SYT9: variants seen among roughly 807,000 people sequenced by gnomAD.
SYT9 encodes the protein synaptotagmin 9.
In SYT9, 22 loss-of-function variants were observed where a neutral mutation model predicts 48.4. The ratio of observed to expected loss-of-function variants is 0.45; its 90% confidence interval spans 0.32 to 0.65. SYT9 has a LOEUF of 0.65. SYT9 is among the 30% of genes least tolerant of loss of function. The probability of loss-of-function intolerance (pLI) is 0.03; values close to 1 mark genes in which losing one functional copy is unlikely to be tolerated. For synonymous variants in SYT9, 265 were observed against 245.0 expected (o/e 1.08, Z -0.76); for missense variants, 577 against 622.0 (o/e 0.93, Z 0.77).
chr11:7,386,892 C>A (rs1850671125), intron 3 of SYT9, among the ~76,000 whole-genome samples: 1 of 152,158 alleles, frequency 6.6e-6, no homozygotes, highest in African/African-American at 2.4e-5. Flanking sequence ...AGACTTGGAA[C>A]CAATCCACAT....
chr11:7,339,583 A>G (rs1424467888), intron 3 of SYT9, among the ~76,000 whole-genome samples: 2 of 152,184 alleles, frequency 1.3e-5, no homozygotes, highest in African/African-American at 4.8e-5. Context: ...CTTGTCGGAA[A>G]AGGATCTTAT....
intron 3 of SYT9, among the ~76,000 whole-genome samples, chr11:7,391,735 T>TAAAGAAAAAAAAAA (rs1846615100): frequency 2.8e-5 from 1 of 35,940 alleles, no homozygotes; most frequent in Non-Finnish European, 5.0e-5. Context: ...ACCCCATCTC[T>TAAAGAAAAAAAAAA]AAAAAAAAAA....
chr11:7,455,963 C>T (rs72846882), intron 6 of SYT9, among the ~76,000 whole-genome samples: 25,561 of 152,118 alleles, frequency 0.17, 2,622 homozygotes, highest in African/African-American at 0.27. Context: ...AAAAGTCCTA[C>T]ATAATCCTCA....
In SYT9 at chr11:7,410,929, A is replaced by T. The variant is rs912922188; in HGVS notation, c.1045-5113A>T. On this transcript the variant is annotated intron_variant, in intron 3 of 6. Coordinates refer to ENST00000318881, the MANE Select transcript of SYT9 (RefSeq NM_175733.4). ...GAGCGCAATGGCGCAGTCCCAGCTC[A>T]CTGCAACCTCTGCCTCCCAGGTTCA... is the stretch of plus-strand genomic sequence containing the variant. 2.0e-5 allele frequency among the ~76,000 whole-genome samples: 3 copies of T among 152,084 alleles called. No homozygotes were observed. The East Asian group carries it at 5.8e-4, about 29-fold the overall frequency.
intron 3 of SYT9, among the ~76,000 whole-genome samples, chr11:7,330,823 A>G (rs538318779): frequency 6.6e-6 from 1 of 152,096 alleles, no homozygotes; most frequent in African/African-American, 2.4e-5. Context: ...CAGCCTCCTG[A>G]GTAGCTGGGA....
chr11:7,410,044 T>A (rs1847105004), intron 3 of SYT9, among the ~76,000 whole-genome samples: 1 of 152,162 alleles, frequency 6.6e-6, no homozygotes, highest in African/African-American at 2.4e-5. Context: ...TTGGCACATG[T>A]CTTATTTACA....
rs60415591 is a variant in SYT9, at chr11:7,414,926, C to G, written c.1045-1116C>G. Among the ~76,000 whole-genome samples, 632 of 152,312 alleles carry G rather than the reference C, an allele frequency of 4.1e-3. 3 individuals are homozygous for G. Among genetic ancestry groups the G allele is most frequent in the African/African-American group, 0.015 (605 of 41,570 alleles). On this transcript the variant is annotated intron_variant, in intron 3 of 6. Coordinates refer to ENST00000318881, the MANE Select transcript of SYT9 (RefSeq NM_175733.4). ...TCAGTAGGAAACTGTATTAATTAGA[C>G]ACAGGCACCTCAGCTCGATAACCTC...
At chr11:7,284,498 C>G (rs952499304) in intron 1 of SYT9, among the ~76,000 whole-genome samples, 4 of 152,094 alleles carry the variant, frequency 2.6e-5, no homozygotes, top group African/African-American at 9.7e-5. Context: ...AGCATACATT[C>G]TACAATGAAA....
intron 2 of SYT9, among the ~76,000 whole-genome samples, chr11:7,311,371 G>A (rs1849130780): frequency 6.6e-6 from 1 of 152,218 alleles, no homozygotes; most frequent in African/African-American, 2.4e-5. Flanking sequence ...AGACAAGGGT[G>A]AAGACAAAAT....
chr11:7,296,222 A>C (rs564323148), intron 1 of SYT9, among the ~76,000 whole-genome samples: 2 of 152,236 alleles, frequency 1.3e-5, no homozygotes, highest in Non-Finnish European at 2.9e-5. Context: ...AAGATACAGA[A>C]AATTTATCTA....
chr11:7,310,725 C>T (rs1338200452), intron 2 of SYT9, among the ~76,000 whole-genome samples: 2 of 152,106 alleles, frequency 1.3e-5, no homozygotes, highest in Non-Finnish European at 2.9e-5. Context: ...GGATTACAGG[C>T]ATGAGCCACT....
intron 1 of SYT9, among the ~76,000 whole-genome samples, chr11:7,273,661 A>AT (rs1848336313): frequency 6.6e-6 from 1 of 152,196 alleles, no homozygotes; most frequent in Non-Finnish European, 1.5e-5. Context: ...GGGGTGAGTG[A>AT]TAAGTAAGAG....
intron 3 of SYT9, among the ~76,000 whole-genome samples, chr11:7,362,949 C>CTTTTTTT (rs35065184): frequency 1.1e-4 from 2 of 17,922 alleles, no homozygotes; most frequent in African/African-American, 3.6e-4. Context: ...ATTTATTGGC[C>CTTTTTTT]TTTTTTTTTT....
intron 3 of SYT9, among the ~76,000 whole-genome samples, chr11:7,388,700 T>C (rs1252750576): frequency 6.6e-6 from 1 of 152,228 alleles, no homozygotes; most frequent in Non-Finnish European, 1.5e-5. Flanking sequence ...AATGTATATC[T>C]GTTTTTCATC....
chr11:7,355,557 C>T (rs1264032661), intron 3 of SYT9, among the ~76,000 whole-genome samples: 1 of 152,184 alleles, frequency 6.6e-6, no homozygotes, highest in Non-Finnish European at 1.5e-5. Context: ...ATGCAGGTTA[C>T]CCCACCTTCT....
intron 6 of SYT9, chr11:7,441,297 G>A (rs754240668): frequency 1.3e-4 from 20 of 152,180 alleles, no homozygotes; most frequent in Non-Finnish European, 2.4e-4. Flanking sequence ...ACAAATCAAA[G>A]CACTAGTACA....
chr11:7,358,728 G>A (rs1237141359), intron 3 of SYT9, among the ~76,000 whole-genome samples: 1 of 152,092 alleles, frequency 6.6e-6, no homozygotes, highest in Non-Finnish European at 1.5e-5. Context: ...GCTATGTGGT[G>A]GAATACATTA....
intron 1 of SYT9, among the ~76,000 whole-genome samples, chr11:7,259,469 A>T (rs577791762): frequency 6.6e-6 from 1 of 152,240 alleles, no homozygotes. Flanking sequence ...AATTATAAAC[A>T]GTGAGCCCTA....
rs549624132 is a variant in SYT9 at position 7,400,446 on chromosome 11, A to T, written c.1045-15596A>T. 1.1e-4 allele frequency among the ~76,000 whole-genome samples: 16 copies of T among 152,348 alleles called. 1 individual carries two copies. Among genetic ancestry groups the T allele is most frequent in the African/African-American group, 3.4e-4 (14 of 41,582 alleles). Reference sequence around the variant, plus strand: ...TAAGAAGTTTCTAAAATCAGTAATTAAACTCCAGTTGTTCCTTCATTAACC... The same window carrying T: ...TAAGAAGTTTCTAAAATCAGTAATTTAACTCCAGTTGTTCCTTCATTAACC... On this transcript the variant is annotated intron_variant, in intron 3 of 6. Transcript: ENST00000318881.
Sources: gnomAD v4.1 joint callset for allele counts (sites outside exome capture counted in the v4.1 genomes callset) on GRCh38, gnomAD v4.1.1 for gene constraint, MANE v1.5 for transcripts, NCBI Gene and HGNC (gene_info 2026-07-23, HGNC 2026-07-21) for gene names.